Variants in ALDH1L2 observed in about 807,000 individuals in gnomAD.
The protein encoded by ALDH1L2 is mitochondrial 10-formyltetrahydrofolate dehydrogenase.
A neutral mutation model predicts 111.0 loss-of-function variants in ALDH1L2; 91 were observed. The ratio of observed to expected loss-of-function variants is 0.82; its 90% confidence interval spans 0.69 to 0.98. The LOEUF (loss-of-function observed/expected upper bound fraction) is 0.98. Among genes scored for constraint, ALDH1L2 ranks in the 50% least tolerant of loss-of-function variants. The pLI is 0.00. For synonymous variants in ALDH1L2, 374 were observed against 392.6 expected (o/e 0.95, Z 0.56); for missense variants, 995 against 1,126.8 (o/e 0.88, Z 1.67).
intron 15 of ALDH1L2, among the ~76,000 whole-genome samples, chr12:105,042,111 GTATC>G (rs893747342): frequency 5.9e-5 from 9 of 152,080 alleles, no homozygotes; most frequent in African/African-American, 2.2e-4. Flanking sequence ...ATGTATGTGT[GTATC>G]TATCCCTCAT....
rs142532507 is a variant in ALDH1L2 at position 105,061,020 on chromosome 12, T to A, written c.1100A>T (p.Asp367Val). 1.8e-4 allele frequency: 284 copies of A among 1,613,888 alleles called. 2 individuals carry two copies. In the Middle Eastern group the frequency reaches 5.8e-3, roughly 33 times the overall value. The change falls in exon 9 of 23, where the codon GAC becomes GTC. Residue 367 changes from aspartate (D) to valine (V), a missense_variant. By Grantham distance (152) the Asp-to-Val change is radical (BLOSUM62 -3). Coordinates refer to ENST00000258494, the MANE Select transcript of ALDH1L2 (RefSeq NM_001034173.4). ...SNVPIIEDST[D>V]FFKSGASSMD... ...TGAGCTTGCTCCAGATTTAAAGAAG[T>A]CTGTTGAGTCTTCAATAATGGGGAC...
At chr12:105,049,226 A>C (rs1876104356) in intron 13 of ALDH1L2, among the ~76,000 whole-genome samples, 2 of 152,056 alleles carry the variant, frequency 1.3e-5, no homozygotes, top group Admixed American at 6.6e-5. Context: ...CCCTCAGGAG[A>C]TATTATAGTA....
chr12:105,080,446 C>T (rs1280233468), intron 1 of ALDH1L2, among the ~76,000 whole-genome samples: 1 of 152,116 alleles, frequency 6.6e-6, no homozygotes, highest in Non-Finnish European at 1.5e-5. Flanking sequence ...TTCCTAAAAA[C>T]ATAGATTTAA....
At chr12:105,034,724 G>A (rs1317626596) in intron 18 of ALDH1L2, among the ~76,000 whole-genome samples, 2 of 152,104 alleles carry the variant, frequency 1.3e-5, no homozygotes, top group Non-Finnish European at 2.9e-5. Flanking sequence ...GGTGGCTCAC[G>A]CTTGTAATCC....
chr12:105,035,912 T>TTATA (rs199968455), intron 18 of ALDH1L2, among the ~76,000 whole-genome samples: 1 of 84,510 alleles, frequency 1.2e-5, no homozygotes, highest in Non-Finnish European at 2.1e-5. Flanking sequence ...TGTATATATA[T>TTATA]TATATATATA....
At chr12:105,048,487 C>A (rs1335549276) in intron 13 of ALDH1L2, 1 of 152,160 alleles carries the variant, frequency 6.6e-6, no homozygotes, top group African/African-American at 2.4e-5. Context: ...TACCACTCCC[C>A]CTTTCTCACT....
rs543463878 is a variant in ALDH1L2, at chr12:105,077,739, T to TAAA, written c.49-3737_49-3735dup. 1.5e-3 allele frequency among the ~76,000 whole-genome samples: 176 copies of TAAA among 115,448 alleles called. 1 individual carries two copies. Among genetic ancestry groups the TAAA allele is most frequent in the Non-Finnish European group, 2.6e-3 (141 of 54,990 alleles). The allele number at this position is 115,448 out of a possible 152,430, so 75.7% of individuals were successfully genotyped here. A position where few individuals can be genotyped will look rare whatever the true frequency, so the allele number is the denominator to read the frequency against. ...CAGACCCTGACTATGCTCCAAGAAT[T>TAAA]AAAAAAAAAAAAAAAAAAAGGTACA... On this transcript the variant is annotated intron_variant, in intron 1 of 22. Coordinates refer to ENST00000258494, the MANE Select transcript of ALDH1L2 (RefSeq NM_001034173.4).
intron 1 of ALDH1L2, among the ~76,000 whole-genome samples, chr12:105,077,875 A>G (rs1878145260): frequency 6.6e-6 from 1 of 152,182 alleles, no homozygotes; most frequent in African/African-American, 2.4e-5. Context: ...AAGTAAGGCC[A>G]AAGCTATCCA....
chr12:105,046,833 C>A lies in ALDH1L2; in HGVS notation c.1758-18G>T, dbSNP rs746409700. ...CACAGACACTGCAGGGGAAGAAATT[C>A]GACATGCTTAGTTGTTTCAAATAAC... On this transcript the variant is annotated intron_variant, in intron 14 of 22. Transcript: ENST00000258494. The A allele has an allele frequency of 1.2e-6, 2 of 1,613,310 alleles. No homozygotes were observed. The highest frequency in any genetic ancestry group is 4.5e-5 in the East Asian group (2 of 44,858).
intron 6 of ALDH1L2, among the ~76,000 whole-genome samples, chr12:105,064,222 T>C (rs1027852589): frequency 1.6e-4 from 22 of 139,020 alleles, no homozygotes; most frequent in African/African-American, 5.6e-4. Context: ...ACCTGGGTAA[T>C]CCTCCCACCT....
At position 105,052,824 on chromosome 12, in the gene ALDH1L2, T is replaced by TG; in HGVS notation, c.1394dup (p.Thr466AsnfsTer18). On this transcript the variant is annotated frameshift_variant, in exon 11 of 23. Coordinates refer to ENST00000258494, the MANE Select transcript of ALDH1L2 (RefSeq NM_001034173.4). LOFTEE classifies it high-confidence loss of function. ...AAGAATTACTCACAGATCCATCTGT[T>TG]GGGTTGATAGTGTCGTAAGTCTTTC... The TG allele has an allele frequency of 6.2e-7, 1 of 1,614,090 alleles. No homozygotes were observed. The highest frequency in any genetic ancestry group is 8.5e-7 in the Non-Finnish European group (1 of 1,179,974).
intron 12 of ALDH1L2, among the ~76,000 whole-genome samples, chr12:105,051,453 T>C (rs190826315): frequency 2.6e-5 from 4 of 151,876 alleles, no homozygotes; most frequent in African/African-American, 7.3e-5. Context: ...CAGATTCCAG[T>C]AACAGCTCCT....
intron 18 of ALDH1L2, among the ~76,000 whole-genome samples, chr12:105,037,057 C>G (rs1875194711): frequency 6.6e-6 from 1 of 152,142 alleles, no homozygotes; most frequent in African/African-American, 2.4e-5. Flanking sequence ...CAATGGTGAA[C>G]AGAGTCTGCT....
chr12:105,061,080 A>T lies in ALDH1L2; in HGVS notation c.1048-8T>A. ...AATTCCAGCCCAGATGACCTACACA[A>T]AAAGGAAACTCTTATGAGGGAAGTG... is the stretch of plus-strand genomic sequence containing the variant. On this transcript the variant is annotated splice_polypyrimidine_tract_variant and splice_region_variant and intron_variant, in intron 8 of 22. Transcript: ENST00000258494. 1 of 1,610,916 alleles carries T rather than the reference A, an allele frequency of 6.2e-7. No individual in the cohort carries two copies. Among genetic ancestry groups the T allele is most frequent in the Admixed American group, 1.7e-5 (1 of 60,008 alleles).
intron 21 of ALDH1L2, among the ~76,000 whole-genome samples, chr12:105,028,545 G>GC (rs1339771052): frequency 2.0e-5 from 3 of 152,186 alleles, no homozygotes; most frequent in African/African-American, 7.2e-5. Context: ...ATTTTCAAAG[G>GC]CATCTTGACT....
intron 9 of ALDH1L2, among the ~76,000 whole-genome samples, chr12:105,059,496 A>C (rs928400571): frequency 2.0e-5 from 3 of 152,102 alleles, no homozygotes; most frequent in East Asian, 1.9e-4. Flanking sequence ...CTGTAATAAT[A>C]ATCATCATAA....
intron 22 of ALDH1L2, 149 bp from the exon 23 acceptor site, chr12:105,024,628 T>C (rs577546526): frequency 2.7e-6 from 2 of 750,874 alleles, no homozygotes; most frequent in Non-Finnish European, 4.5e-6. Context: ...TTGAAGTTCA[T>C]ACTAACCATC....
At chr12:105,048,874 T>C (rs1876078792) in intron 13 of ALDH1L2, among the ~76,000 whole-genome samples, 1 of 151,672 alleles carries the variant, frequency 6.6e-6, no homozygotes, top group Admixed American at 6.6e-5. Context: ...CTGCTAAAAA[T>C]ACAAAAATTA....
At chr12:105,043,926 G>C (rs1385841553) in intron 15 of ALDH1L2, among the ~76,000 whole-genome samples, 1 of 152,156 alleles carries the variant, frequency 6.6e-6, no homozygotes, top group African/African-American at 2.4e-5. Flanking sequence ...AGCCAGGAGA[G>C]AATCTTTCAC....
Sources: gnomAD v4.1 joint callset for allele counts (sites outside exome capture counted in the v4.1 genomes callset) on GRCh38, gnomAD v4.1.1 for gene constraint, MANE v1.5 for transcripts, NCBI Gene and HGNC (gene_info 2026-07-23, HGNC 2026-07-21) for gene names.